Variants in AOPEP observed in about 807,000 individuals in gnomAD.
AOPEP encodes the protein aminopeptidase O.
In AOPEP, 77 loss-of-function variants were observed where a neutral mutation model predicts 98.1. That is an observed-to-expected ratio of 0.78 (90% CI 0.65 to 0.95). The LOEUF is 0.95. Among genes scored for constraint, AOPEP ranks in the 40% least tolerant of loss-of-function variants. AOPEP has a pLI of 0.00. For missense variants in AOPEP, 1,024 were observed against 1,024.7 expected (o/e 1.00, Z 0.01); for synonymous variants, 346 against 365.3 (o/e 0.95, Z 0.60).
intron 13 of AOPEP, among the ~76,000 whole-genome samples, chr9:95,042,251 G>A (rs2065388831): frequency 6.7e-6 from 1 of 149,484 alleles, no homozygotes; most frequent in Non-Finnish European, 1.5e-5. Context: ...GGCAGAGCTT[G>A]CAGTGAGCCG....
At chr9:94,804,836 G>A (rs1447462274) in intron 5 of AOPEP, among the ~76,000 whole-genome samples, 1 of 152,230 alleles carries the variant, frequency 6.6e-6, no homozygotes, top group African/African-American at 2.4e-5. Context: ...AAGTGTCACA[G>A]TGGGAGAATC....
intron 1 of AOPEP, among the ~76,000 whole-genome samples, chr9:94,755,514 T>C (rs1196384608): frequency 6.6e-6 from 1 of 152,120 alleles, no homozygotes; most frequent in African/African-American, 2.4e-5. Context: ...ATAATTTAGG[T>C]TGGAAATCAT....
At chr9:95,083,855 C>T (rs569322266) in intron 16 of AOPEP, among the ~76,000 whole-genome samples, 25 of 152,336 alleles carry the variant, frequency 1.6e-4, no homozygotes, top group African/African-American at 5.3e-4. Flanking sequence ...CCCCTGGCTT[C>T]TATTGGAGTC....
At chr9:94,845,310 G>C (rs2042725132) in intron 5 of AOPEP, among the ~76,000 whole-genome samples, 1 of 152,210 alleles carries the variant, frequency 6.6e-6, no homozygotes, top group African/African-American at 2.4e-5. Flanking sequence ...ACTGCAGGAA[G>C]GCCAGGCTGC....
intron 5 of AOPEP, chr9:94,904,036 A>G (rs1306554850): frequency 1.3e-5 from 2 of 151,624 alleles, no homozygotes; most frequent in Non-Finnish European, 2.9e-5. Context: ...TGTGATTGCC[A>G]TTTGATGACT....
the AOPEP span, chr9:95,114,840 G>A: frequency 1.3e-6 from 1 of 769,144 alleles, no homozygotes; most frequent in East Asian, 2.6e-5. Context: ...ACCCAATACT[G>A]TTCTCATGCT....
At chr9:94,983,329 C>T (rs959402672) in intron 11 of AOPEP, among the ~76,000 whole-genome samples, 15 of 152,166 alleles carry the variant, frequency 9.9e-5, no homozygotes, top group Admixed American at 2.0e-4. Flanking sequence ...CTACAGAACT[C>T]TGACTCCTCC....
intron 3 of AOPEP, among the ~76,000 whole-genome samples, chr9:94,790,780 T>C (rs1321192262): frequency 6.6e-6 from 1 of 151,972 alleles, no homozygotes; most frequent in Non-Finnish European, 1.5e-5. Context: ...TAAAGCACTT[T>C]AAAAAATGTC....
chr9:94,728,474 G>A (rs1468945727), intron 1 of AOPEP, among the ~76,000 whole-genome samples: 1 of 152,186 alleles, frequency 6.6e-6, no homozygotes, highest in African/African-American at 2.4e-5. Flanking sequence ...TCAGGATGCC[G>A]AGTAGATTTT....
At chr9:95,011,337 A>AG (rs1345855613) in intron 13 of AOPEP, among the ~76,000 whole-genome samples, 1 of 151,502 alleles carries the variant, frequency 6.6e-6, no homozygotes, top group Non-Finnish European at 1.5e-5. Context: ...CTGGGACTAC[A>AG]GGCACGTGCC....
At chr9:95,114,557 G>C in the AOPEP span, 2 of 1,335,908 alleles carry the variant, frequency 1.5e-6, no homozygotes, top group Non-Finnish European at 2.2e-6. Context: ...TGTCAGCCCT[G>C]CTCAAAGGGC....
chr9:94,782,514 G>C (rs1843521555), intron 3 of AOPEP, among the ~76,000 whole-genome samples: 2 of 152,230 alleles, frequency 1.3e-5, no homozygotes, highest in South Asian at 4.1e-4. Flanking sequence ...AGATCTGAGA[G>C]TCCAGACCCT....
chr9:95,137,692 G>C, the AOPEP span, among the ~76,000 whole-genome samples: 3 of 152,212 alleles, frequency 2.0e-5, no homozygotes, highest in Admixed American at 2.0e-4. Context: ...TGGAAGCTCC[G>C]GGAGAGGAAT....
chr9:94,836,868 A>G (rs2041664441), intron 5 of AOPEP, among the ~76,000 whole-genome samples: 1 of 152,114 alleles, frequency 6.6e-6, no homozygotes, highest in African/African-American at 2.4e-5. Context: ...TGAGATAAAT[A>G]TTTTGTATGG....
At chr9:94,755,162 AG>A (rs1310717313) in intron 1 of AOPEP, among the ~76,000 whole-genome samples, 1 of 152,130 alleles carries the variant, frequency 6.6e-6, no homozygotes, top group African/African-American at 2.4e-5. Flanking sequence ...GGTTTTTATA[AG>A]GGGGGACCTT....
chr9:95,041,446 G>GTGTGTGTGTGTGTGTGTGTGT (rs200579150), intron 13 of AOPEP, among the ~76,000 whole-genome samples: 46 of 142,100 alleles, frequency 3.2e-4, no homozygotes, highest in South Asian at 1.7e-3. Context: ...AGTCCTTGGG[G>GTGTGTGTGTGTGTGTGTGTGT]GTGTGTGTGT....
chr9:94,856,277 A>G (rs2044199492), intron 5 of AOPEP, among the ~76,000 whole-genome samples: 1 of 152,142 alleles, frequency 6.6e-6, no homozygotes. Flanking sequence ...AAAGCTAGGT[A>G]GTCTCAGTAA....
chr9:95,098,467 T>A, the AOPEP span, among the ~76,000 whole-genome samples: 3 of 151,292 alleles, frequency 2.0e-5, no homozygotes, highest in Admixed American at 2.0e-4. Context: ...TCCTCAGGAG[T>A]GTCTTAGCAT....
intron 5 of AOPEP, among the ~76,000 whole-genome samples, chr9:94,887,467 C>T (rs1786252909): frequency 6.6e-6 from 1 of 151,986 alleles, no homozygotes; most frequent in South Asian, 2.1e-4. Flanking sequence ...ATTTTATGAC[C>T]TGGGACAAGT....
Sources: allele counts gnomAD v4.1 joint callset (sites outside exome capture counted in the v4.1 genomes callset), GRCh38; gene constraint gnomAD v4.1.1; transcripts MANE v1.5; gene names NCBI Gene and HGNC (gene_info 2026-07-23, HGNC 2026-07-21).